Variants in GRM8 observed in about 807,000 individuals in gnomAD.
GRM8 encodes metabotropic glutamate receptor 8.
GRM8 carries 47 observed loss-of-function variants against 87.2 expected under a neutral mutation model. The ratio of observed to expected loss-of-function variants is 0.54; its 90% CI spans 0.43 to 0.69. The LOEUF (loss-of-function observed/expected upper bound fraction) is 0.69. Ranked by LOEUF, GRM8 falls within the 30% of genes least tolerant of loss-of-function variation. GRM8 has a pLI of 0.00. For synonymous variants in GRM8, 396 were observed against 404.5 expected (o/e 0.98, Z 0.25); for missense variants, 1,019 against 1,139.2 (o/e 0.89, Z 1.52).
chr7:126,955,476 TA>T (rs1038599282), intron 3 of GRM8, among the ~76,000 whole-genome samples: 19 of 151,706 alleles, frequency 1.3e-4, no homozygotes, highest in African/African-American at 3.9e-4. Context: ...AATAAATAAA[TA>T]AAAGGGACTC....
At chr7:127,005,751 ACT>A (rs1358840323) in intron 3 of GRM8, among the ~76,000 whole-genome samples, 1 of 151,730 alleles carries the variant, frequency 6.6e-6, no homozygotes, top group Non-Finnish European at 1.5e-5. Flanking sequence ...ACAAACTGAA[ACT>A]CTGTTAAAAC....
At chr7:127,068,695 G>A (rs971827366) in intron 3 of GRM8, among the ~76,000 whole-genome samples, 2 of 152,216 alleles carry the variant, frequency 1.3e-5, no homozygotes, top group Non-Finnish European at 2.9e-5. Flanking sequence ...ACTACCGACT[G>A]AAGACAAGAT....
intron 6 of GRM8, among the ~76,000 whole-genome samples, chr7:126,831,720 C>A (rs1017507472): frequency 6.6e-6 from 1 of 152,050 alleles, no homozygotes; most frequent in Admixed American, 6.5e-5. Context: ...TCTGGCACTC[C>A]CTAGTGAGAT....
intron 2 of GRM8, among the ~76,000 whole-genome samples, chr7:127,126,139 G>A (rs117463346): frequency 0.03 from 4,500 of 152,020 alleles, 79 homozygotes; most frequent in Middle Eastern, 0.051. Flanking sequence ...CTACCCAAAG[G>A]AAAAGAAATA....
intron 3 of GRM8, among the ~76,000 whole-genome samples, chr7:126,970,583 A>G (rs1248367767): frequency 6.6e-6 from 1 of 152,164 alleles, no homozygotes; most frequent in African/African-American, 2.4e-5. Flanking sequence ...CCAAACCACA[A>G]AAACTTTCTC....
At chr7:126,750,346 G>A (rs893043197) in intron 7 of GRM8, among the ~76,000 whole-genome samples, 1 of 152,026 alleles carries the variant, frequency 6.6e-6, no homozygotes, top group African/African-American at 2.4e-5. Flanking sequence ...AGAGACAGGA[G>A]AGAACACTTG....
intron 3 of GRM8, among the ~76,000 whole-genome samples, chr7:126,978,598 A>T (rs1412639571): frequency 1.3e-5 from 2 of 152,174 alleles, no homozygotes; most frequent in Non-Finnish European, 2.9e-5. Flanking sequence ...GGAGCTACTG[A>T]TCACTCTCTC....
chr7:126,930,724 C>A (rs1010302658), intron 3 of GRM8, among the ~76,000 whole-genome samples: 14 of 152,158 alleles, frequency 9.2e-5, no homozygotes, highest in Admixed American at 9.2e-4. Context: ...TAATTCCTAT[C>A]AATTATTAAA....
intron 7 of GRM8, among the ~76,000 whole-genome samples, chr7:126,736,838 A>T (rs1159885564): frequency 6.6e-6 from 1 of 152,016 alleles, no homozygotes. Context: ...TCCACTTACT[A>T]CCATTTCAAT....
Position 126,769,926 on chromosome 7 carries a change from T to C in GRM8, c.1296A>G (p.Pro432=), listed in dbSNP as rs1818648353. 1 of 1,613,104 alleles carries C rather than the reference T, an allele frequency of 6.2e-7. No individual in the cohort carries two copies. The highest frequency in any genetic ancestry group is 1.3e-5 in the African/African-American group (1 of 74,894). ...CTTTCCCATCAATGGTACTCATTCG[T>C]GGACAAAGGCCAATGTATCCAGGGC... ...DLCPGYIGLC[P]RMSTIDGKEL... The change falls in exon 7 of 11, where the codon CCA becomes CCG. Residue 432 remains proline, a synonymous_variant. Transcript: ENST00000339582.
intron 6 of GRM8, among the ~76,000 whole-genome samples, chr7:126,867,500 C>T (rs562121176): frequency 2.6e-5 from 4 of 152,148 alleles, no homozygotes; most frequent in East Asian, 3.9e-4. Context: ...TAATGAATCA[C>T]CAGCAAAGAA....
intron 2 of GRM8, among the ~76,000 whole-genome samples, chr7:127,203,092 A>G (rs1369584996): frequency 6.6e-6 from 1 of 152,252 alleles, no homozygotes; most frequent in Non-Finnish European, 1.5e-5. Context: ...AATCCATATT[A>G]ATACTGGATA....
At chr7:127,233,728 G>A (rs921369876) in intron 2 of GRM8, among the ~76,000 whole-genome samples, 2 of 152,180 alleles carry the variant, frequency 1.3e-5, no homozygotes, top group Non-Finnish European at 2.9e-5. Context: ...CCCAGAGGGA[G>A]CCTTGAAGCG....
intron 9 of GRM8, among the ~76,000 whole-genome samples, chr7:126,474,955 C>A (rs1017084643): frequency 1.3e-5 from 2 of 152,066 alleles, no homozygotes; most frequent in African/African-American, 4.8e-5. Context: ...AAAAATAATT[C>A]TCAACAAATT....
At chr7:126,735,606 T>C (rs1441653937) in intron 7 of GRM8, among the ~76,000 whole-genome samples, 7 of 152,084 alleles carry the variant, frequency 4.6e-5, no homozygotes, top group Non-Finnish European at 7.4e-5. Flanking sequence ...TGTCATCTTC[T>C]TCATACACAA....
intron 8 of GRM8, among the ~76,000 whole-genome samples, chr7:126,600,121 A>G (rs1236707034): frequency 6.6e-6 from 1 of 152,176 alleles, no homozygotes; most frequent in Non-Finnish European, 1.5e-5. Flanking sequence ...TTGAATTCAC[A>G]TTCAAACCAC....
intron 7 of GRM8, among the ~76,000 whole-genome samples, chr7:126,641,441 T>A (rs1309020918): frequency 2.0e-5 from 3 of 152,158 alleles, no homozygotes; most frequent in Non-Finnish European, 4.4e-5. Flanking sequence ...ACAAATACTA[T>A]TAATCAAAAT....
At chr7:126,594,445 T>C (rs182524638) in intron 8 of GRM8, among the ~76,000 whole-genome samples, 1 of 152,146 alleles carries the variant, frequency 6.6e-6, no homozygotes, top group East Asian at 1.9e-4. Flanking sequence ...AAAACTTGCA[T>C]GAAGCTAGAG....
intron 9 of GRM8, among the ~76,000 whole-genome samples, chr7:126,499,559 G>T (rs1280629736): frequency 1.3e-5 from 2 of 151,794 alleles, no homozygotes; most frequent in East Asian, 3.9e-4. Context: ...CCTAAGTGTT[G>T]TTTCCATTTG....
Sources: gnomAD v4.1 joint callset for allele counts (sites outside exome capture counted in the v4.1 genomes callset) on GRCh38, gnomAD v4.1.1 for gene constraint, MANE v1.5 for transcripts, NCBI Gene and HGNC (gene_info 2026-07-23, HGNC 2026-07-21) for gene names.